The following CASZ1 variants were observed in gnomAD, a reference collection of about 807,000 sequenced individuals.
CASZ1 encodes castor zinc finger 1, also known as zinc finger protein castor homolog 1.
A neutral mutation model predicts 135.2 loss-of-function variants in CASZ1; 28 were observed. That is an observed-to-expected ratio of 0.21 (90% confidence interval 0.15 to 0.28). CASZ1 has a LOEUF of 0.28. CASZ1 is among the 10% of genes least tolerant of loss of function. CASZ1 has a pLI of 1.00. For synonymous variants in CASZ1, 1,068 were observed against 1,073.4 expected, an observed-to-expected ratio of 0.99 and a Z score of 0.10; for missense variants, 2,161 against 2,453.3, an observed-to-expected ratio of 0.88 and a Z score of 2.52.
chr1:10,759,677 C>T lies in CASZ1; in HGVS notation c.-77+1024G>A, dbSNP rs968897448. Reference sequence around the variant, plus strand: ...TGCAAGCGCTTCCTCCCTGCAAGTTCGAAGTCCAGGGCTGCTGAGCCCAGC... The same window carrying T: ...TGCAAGCGCTTCCTCCCTGCAAGTTTGAAGTCCAGGGCTGCTGAGCCCAGC... On this transcript the variant is annotated intron_variant, in intron 2 of 20. Transcript: ENST00000377022. This position sits in a 1 kb window ranked among gnomAD's most constrained non-coding sequence, Gnocchi z 4.2. Among the ~76,000 whole-genome samples the T allele has an allele frequency of 4.0e-5, 6 of 151,476 alleles. No individual in the cohort carries two copies. The highest frequency in any genetic ancestry group is 3.4e-3 in the Middle Eastern group (1 of 294).
chr1:10,677,875 C>T (rs6540942), intron 4 of CASZ1, among the ~76,000 whole-genome samples: 55,181 of 152,238 alleles, frequency 0.36, 11,724 homozygotes, highest in Non-Finnish European at 0.47. Flanking sequence ...CCAAATGGCT[C>T]TGAACCAGCA....
intron 3 of CASZ1, among the ~76,000 whole-genome samples, chr1:10,698,655 C>T (rs1456125381): frequency 6.6e-6 from 1 of 152,196 alleles, no homozygotes. Flanking sequence ...GCCTACTTGT[C>T]CAGCTGGGGA....
At chr1:10,687,974 C>A (rs148329641) in intron 4 of CASZ1, among the ~76,000 whole-genome samples, 1 of 152,250 alleles carries the variant, frequency 6.6e-6, no homozygotes, top group East Asian at 1.9e-4. Context: ...CTGCCTTCCT[C>A]CTTCTGCCCC....
intron 1 of CASZ1, among the ~76,000 whole-genome samples, chr1:10,766,204 GCACACACA>G (rs143572570): frequency 6.7e-6 from 1 of 148,526 alleles, no homozygotes; most frequent in East Asian, 2.0e-4. Context: ...TTCAGCACGT[GCACACACA>G]CACACACACA....
chr1:10,659,680 T>C (rs1424088355), intron 6 of CASZ1, 22 bp downstream of exon 6: 9 of 1,581,300 alleles, frequency 5.7e-6, no homozygotes, highest in Non-Finnish European at 1.7e-6. Flanking sequence ...CTCTGGGCAT[T>C]GTGGGGTGGG....
chr1:10,652,031 C>G (rs777793640), intron 11 of CASZ1: 1 of 152,310 alleles, frequency 6.6e-6, no homozygotes, highest in Non-Finnish European at 1.5e-5. Flanking sequence ...GCGGTCCCTC[C>G]ACGCGGCCAC....
rs560013904 is a variant in CASZ1, at chr1:10,717,937, G to A, written c.-76-12393C>T. Among the ~76,000 whole-genome samples, 9 of 152,366 alleles carry A rather than the reference G, an allele frequency of 5.9e-5. No individual in the cohort carries two copies. Among genetic ancestry groups the A allele is most frequent in the East Asian group, 1.9e-4 (1 of 5,192 alleles). On this transcript the variant is annotated intron_variant, in intron 2 of 20. Transcript: ENST00000377022. This position sits in a 1 kb window ranked among gnomAD's most constrained non-coding sequence, Gnocchi z 4.6. ...GCAGCCGCTGCGAGCACGCCTGGTC[G>A]CCTCAGCGACCAAAGCGGGTGCAGG...
intron 2 of CASZ1, among the ~76,000 whole-genome samples, chr1:10,723,994 C>T (rs1259393662): frequency 6.6e-6 from 1 of 152,150 alleles, no homozygotes; most frequent in African/African-American, 2.4e-5. Flanking sequence ...CACACCCAAC[C>T]GCTAGCACCT....
intron 1 of CASZ1, among the ~76,000 whole-genome samples, chr1:10,769,015 C>T (rs1336149106): frequency 6.6e-6 from 1 of 152,244 alleles, no homozygotes; most frequent in Non-Finnish European, 1.5e-5. Context: ...GTGGCGGCGT[C>T]TGTAATCCCA....
Position 10,794,186 on chromosome 1 carries a change from T to G in CASZ1, c.-234+2378A>C, listed in dbSNP as rs2100641140. 6.6e-6 allele frequency among the ~76,000 whole-genome samples: 1 copy of G among 151,430 alleles called. No individual in the cohort carries two copies. Among genetic ancestry groups the G allele is most frequent in the Non-Finnish European group, 1.5e-5 (1 of 67,904 alleles). On this transcript the variant is annotated intron_variant, in intron 1 of 20. Transcript: ENST00000377022. The surrounding 1 kb of genome is among the most constrained non-coding windows in gnomAD (Gnocchi z 5.6). ...GTTTGTATGTGTATGCGTGTGTGTG[T>G]GTGTGTGTGTGTGCGCGCGCGCGCG...
chr1:10,773,609 C>G (rs1640612026), intron 1 of CASZ1, among the ~76,000 whole-genome samples: 1 of 152,118 alleles, frequency 6.6e-6, no homozygotes, highest in Admixed American at 6.5e-5. Context: ...AAGGCCTCGG[C>G]CTTCTAGCTT....
At position 10,697,140 on chromosome 1, in the gene CASZ1, C is replaced by T. The variant is rs565698167; in HGVS notation, c.-23-3228G>A. Among the ~76,000 whole-genome samples the T allele has an allele frequency of 3.0e-4, 45 of 152,196 alleles. No homozygotes were observed. Among genetic ancestry groups the T allele is most frequent in the Non-Finnish European group, 5.4e-4 (37 of 68,028 alleles). ...CAGAGAAGCAAGAAACAGGCCAACTCGGAGCGCAAGGATTTATGAAGGTCA... is the reference window on the plus strand; with the variant it reads ...CAGAGAAGCAAGAAACAGGCCAACTTGGAGCGCAAGGATTTATGAAGGTCA... On this transcript the variant is annotated intron_variant, in intron 3 of 20. Transcript: ENST00000377022. The surrounding 1 kb of genome is among the most constrained non-coding windows in gnomAD (Gnocchi z 4.7).
Position 10,694,571 on chromosome 1 carries a change from A to T in CASZ1, c.-23-659T>A, listed in dbSNP as rs1638872989. 1 of 133,632 alleles carries T rather than the reference A, an allele frequency of 7.5e-6. No homozygotes were observed. Among genetic ancestry groups the T allele is most frequent in the South Asian group, 2.2e-4 (1 of 4,540 alleles). 8.3% of individuals were successfully genotyped at this position (133,632 alleles called of 1,614,324 possible). On this transcript the variant is annotated intron_variant, in intron 3 of 20. Transcript: ENST00000377022. This position sits in a 1 kb window ranked among gnomAD's most constrained non-coding sequence, Gnocchi z 6.6. ...CCGCGCCGGCCCCGGCAGGTGAAAGAGCAGAGCGCGGCCCCGCCGCCGCCG... is the reference window on the plus strand; with the variant it reads ...CCGCGCCGGCCCCGGCAGGTGAAAGTGCAGAGCGCGGCCCCGCCGCCGCCG...
intron 2 of CASZ1, among the ~76,000 whole-genome samples, chr1:10,748,618 C>G (rs1640092826): frequency 6.6e-6 from 1 of 152,140 alleles, no homozygotes; most frequent in Admixed American, 6.6e-5. Context: ...CATGGTACCT[C>G]TTTCTCGCAG....
chr1:10,665,306 C>T lies in CASZ1; in HGVS notation c.282G>A (p.Gly94=). The change falls in exon 5 of 21, where the codon GGG becomes GGA. Residue 94 remains glycine, a synonymous_variant. Coordinates refer to ENST00000377022, the MANE Select transcript of CASZ1 (RefSeq NM_001079843.3). ...RRAVIEKWVN[G]EYSEEPAPTP... is the part of the protein sequence containing the mutation. The stretch of plus-strand genomic sequence containing the variant: ...TGGGTGCCGGCTCCTCGCTGTACTC[C>T]CCGTTCACCCACTTCTCGATCACTG... 1 of 1,612,910 alleles carries T rather than the reference C, an allele frequency of 6.2e-7. No homozygotes were observed. Among genetic ancestry groups the T allele is most frequent in the Non-Finnish European group, 8.5e-7 (1 of 1,179,286 alleles).
At chr1:10,746,021 G>C (rs114957936) in intron 2 of CASZ1, among the ~76,000 whole-genome samples, 2,027 of 152,372 alleles carry the variant, frequency 0.013, 42 homozygotes, top group African/African-American at 0.041. Context: ...AGGGAAGCCT[G>C]TGGCGTGCCC....
At position 10,756,291 on chromosome 1, in the gene CASZ1, T is replaced by A. The variant is rs1570564981; in HGVS notation, c.-77+4410A>T. ...CACACATTGCTTCCCACTTGGGACATCCCCGATGCACCCCCCACCCTCGCC... is the reference window on the plus strand; with the variant it reads ...CACACATTGCTTCCCACTTGGGACAACCCCGATGCACCCCCCACCCTCGCC... On this transcript the variant is annotated intron_variant, in intron 2 of 20. Transcript: ENST00000377022. This position sits in a 1 kb window ranked among gnomAD's most constrained non-coding sequence, Gnocchi z 5.9. Among the ~76,000 whole-genome samples, 1 of 151,658 alleles carries A rather than the reference T, an allele frequency of 6.6e-6. No homozygotes were observed. Among genetic ancestry groups the A allele is most frequent in the East Asian group, 2.0e-4 (1 of 5,100 alleles).
chr1:10,719,409 G>C lies in CASZ1; in HGVS notation c.-76-13865C>G, dbSNP rs954227333. On this transcript the variant is annotated intron_variant, in intron 2 of 20. Coordinates refer to ENST00000377022, the MANE Select transcript of CASZ1 (RefSeq NM_001079843.3). The surrounding 1 kb of genome is among the most constrained non-coding windows in gnomAD (Gnocchi z 4.0). ...AACCTGCCCACGAACTGTGGAGAAT[G>C]GTAGCCCAAGACAAGGGACCCTGAA... 2.6e-5 allele frequency among the ~76,000 whole-genome samples: 4 copies of C among 152,222 alleles called. No homozygotes were observed. Among genetic ancestry groups the C allele is most frequent in the Non-Finnish European group, 4.4e-5 (3 of 68,034 alleles).
At chr1:10,698,181 G>T (rs1011595567) in intron 3 of CASZ1, among the ~76,000 whole-genome samples, 6 of 152,242 alleles carry the variant, frequency 3.9e-5, no homozygotes, top group Non-Finnish European at 8.8e-5. Flanking sequence ...TGGCACAGCC[G>T]CACGCTCGGC....
Sources: gnomAD v4.1 joint callset for allele counts (sites outside exome capture counted in the v4.1 genomes callset) on GRCh38, gnomAD v4.1.1 for gene constraint, Gnocchi (gnomAD v3.1) non-coding constraint, MANE v1.5 for transcripts, NCBI Gene and HGNC (gene_info 2026-07-23, HGNC 2026-07-21) for gene names.